The following WBP2NL variants were observed in gnomAD, a reference collection of about 807,000 sequenced individuals.
WBP2NL encodes the protein postacrosomal sheath WW domain-binding protein.
WBP2NL carries 27 observed loss-of-function variants against 23.3 expected under a neutral mutation model. The observed-to-expected ratio is 1.16, with a 90% CI of 0.85 to 1.60. WBP2NL has a LOEUF of 1.60. Among genes scored for constraint, WBP2NL ranks in the 40% most tolerant of loss-of-function variants. The probability of loss-of-function intolerance (pLI) is 0.00; values close to 1 mark genes in which losing one functional copy is unlikely to be tolerated. For synonymous variants in WBP2NL, 151 were observed against 145.9 expected (o/e 1.03, Z -0.25); for missense variants, 370 against 389.5 (o/e 0.95, Z 0.42).
In WBP2NL at chr22:42,019,189, C is replaced by T. The variant is rs1257817566; in HGVS notation, c.63-122C>T. 52 of 820,598 alleles carry T rather than the reference C, an allele frequency of 6.3e-5. 1 individual carries two copies. The East Asian group carries it at 1.3e-3, about 20-fold the overall frequency. The allele number at this position is 820,598 out of a possible 1,614,324, so 50.8% of individuals were successfully genotyped here. The stretch of plus-strand genomic sequence containing the variant: ...TGAGGTGAAATCGTGCCACTGCACT[C>T]CCGCCTGGGCAACAGAGTAAGACTC... On this transcript the variant is annotated intron_variant, in intron 1 of 5. Coordinates refer to ENST00000328823, the MANE Select transcript of WBP2NL (RefSeq NM_152613.3).
chr22:42,036,474 A>C (rs1318845718), downstream of WBP2NL, among the ~76,000 whole-genome samples: 1 of 152,114 alleles, frequency 6.6e-6, no homozygotes, highest in Non-Finnish European at 1.5e-5. Flanking sequence ...GTGCCCGGCC[A>C]TGTGTTCTAT....
rs1158837575 is a variant in WBP2NL at position 42,049,705 on chromosome 22, CAAAAAAAAAAA to C, written c.*274-8569_*274-8559del. On this transcript the variant is annotated intron_variant and NMD_transcript_variant, in intron 8 of 8. Transcript: ENST00000436265. ...ACTCCGTCTCCAAAACAAAACAAAA[CAAAAAAAAAAA>C]AAAAAAAAAAAAAAATAGAACATTT... Among the ~76,000 whole-genome samples the C allele has an allele frequency of 1.1e-3, 41 of 37,482 alleles. 1 individual carries two copies. Among genetic ancestry groups the C allele is most frequent in the Middle Eastern group, 0.05 (2 of 40 alleles). The allele number at this position is 37,482 out of a possible 152,430, so 24.6% of individuals were successfully genotyped here.
intron 8 of WBP2NL, among the ~76,000 whole-genome samples, chr22:42,053,372 T>TAA (rs768190458): frequency 1.3e-5 from 2 of 152,196 alleles, no homozygotes; most frequent in Non-Finnish European, 2.9e-5. Flanking sequence ...TAACTCTGTT[T>TAA]AACATTTTGA....
intron 1 of WBP2NL, among the ~76,000 whole-genome samples, chr22:42,016,358 G>A (rs1923308738): frequency 6.6e-6 from 1 of 152,072 alleles, no homozygotes; most frequent in South Asian, 2.1e-4. Context: ...TGCCCTTTGA[G>A]CCGGTCCTTC....
chr22:42,057,967 A>T (rs1173126661), intron 8 of WBP2NL, among the ~76,000 whole-genome samples: 1 of 110,474 alleles, frequency 9.1e-6, no homozygotes, highest in Non-Finnish European at 1.7e-5. Context: ...CCCAGGCTGG[A>T]GTATGGTGGT....
At chr22:42,036,814 A>G (rs1367895871), downstream of WBP2NL, among the ~76,000 whole-genome samples, 1 of 152,120 alleles carries the variant, frequency 6.6e-6, no homozygotes, top group Non-Finnish European at 1.5e-5. Flanking sequence ...AGTTCCTTAT[A>G]TATTTTGGAT....
chr22:42,009,352 G>T (rs752402056), intron 1 of WBP2NL, among the ~76,000 whole-genome samples: 1 of 151,998 alleles, frequency 6.6e-6, no homozygotes, highest in East Asian at 1.9e-4. Context: ...TTTTGTTGCC[G>T]GTGCTTTTGT....
At chr22:42,005,925 C>T (rs1569445846) in intron 1 of WBP2NL, among the ~76,000 whole-genome samples, 1 of 152,180 alleles carries the variant, frequency 6.6e-6, no homozygotes, top group Non-Finnish European at 1.5e-5. Flanking sequence ...CAAAAGTGAA[C>T]AGACAGGTCA....
intron 8 of WBP2NL, among the ~76,000 whole-genome samples, chr22:42,045,421 C>T (rs749562831): frequency 6.6e-6 from 1 of 152,100 alleles, no homozygotes; most frequent in Non-Finnish European, 1.5e-5. Flanking sequence ...CAGAGCGAGA[C>T]TGTCTCAAAA....
chr22:42,013,938 C>T (rs568460545), intron 1 of WBP2NL, among the ~76,000 whole-genome samples: 5 of 152,070 alleles, frequency 3.3e-5, no homozygotes, highest in Non-Finnish European at 5.9e-5. Context: ...GCACCACCCA[C>T]GCCTGGCTAT....
At chr22:42,051,683 G>T (rs1170872429) in intron 8 of WBP2NL, among the ~76,000 whole-genome samples, 1 of 152,106 alleles carries the variant, frequency 6.6e-6, no homozygotes, top group Non-Finnish European at 1.5e-5. Flanking sequence ...TGGGGTCAGG[G>T]GAGGGATGGG....
intron 4 of WBP2NL, among the ~76,000 whole-genome samples, chr22:42,020,591 A>G (rs1218640038): frequency 2.6e-5 from 4 of 152,048 alleles, no homozygotes; most frequent in Admixed American, 2.6e-4. Context: ...TATACCTGAT[A>G]GTCTTTTGTC....
chr22:41,999,063 C>A (rs1192269403), intron 1 of WBP2NL, among the ~76,000 whole-genome samples, 183 bp downstream of exon 1: 1 of 117,366 alleles, frequency 8.5e-6, no homozygotes. Context: ...GTGGAGGTGG[C>A]GGAGGCCGGA....
chr22:42,008,688 A>G (rs534546903), intron 1 of WBP2NL, among the ~76,000 whole-genome samples: 2 of 150,676 alleles, frequency 1.3e-5, no homozygotes, highest in East Asian at 4.0e-4. Context: ...GCTCACTGCA[A>G]CCTCTGCCTC....
chr22:42,048,608 T>C (rs1925691392), intron 8 of WBP2NL, among the ~76,000 whole-genome samples: 2 of 151,560 alleles, frequency 1.3e-5, no homozygotes, highest in East Asian at 1.9e-4. Context: ...TACAAAAAAT[T>C]AGCCGGGTGT....
downstream of WBP2NL, chr22:42,032,189 G>A (rs1924992633): frequency 6.6e-6 from 1 of 152,196 alleles, no homozygotes; most frequent in Admixed American, 6.5e-5. Context: ...TCATCAGACT[G>A]CTTCTGAAAC....
rs950365875 is a variant in WBP2NL, at chr22:42,013,278, C to T, written c.63-6033C>T. ...TCCCAGCTATATAATCCAAGCTACT[C>T]GGGAGGCTGAGGCAGGAGAATCACT... On this transcript the variant is annotated intron_variant, in intron 1 of 5. Coordinates refer to ENST00000328823, the MANE Select transcript of WBP2NL (RefSeq NM_152613.3). Among the ~76,000 whole-genome samples the T allele has an allele frequency of 1.6e-4, 24 of 151,096 alleles. No homozygotes were observed. The East Asian group carries it at 4.1e-3, about 26-fold the overall frequency.
intron 1 of WBP2NL, among the ~76,000 whole-genome samples, chr22:41,999,255 C>T (rs1431848260): frequency 6.6e-6 from 1 of 152,228 alleles, no homozygotes; most frequent in Admixed American, 6.5e-5. Flanking sequence ...GGCAGCGTGG[C>T]TGCCCTTGGG....
In WBP2NL at chr22:41,998,815, C is replaced by T; in HGVS notation, c.-4C>T. ...CTACGGGGCGGCAGGAGGCCCGAAG[C>T]AAGATGGCGGTGAATCAGAGCCACA... On this transcript the variant is annotated 5_prime_UTR_variant, in exon 1 of 6. Coordinates refer to ENST00000328823, the MANE Select transcript of WBP2NL (RefSeq NM_152613.3). The T allele has an allele frequency of 6.2e-7, 1 of 1,609,266 alleles. No homozygotes were observed. Among genetic ancestry groups the T allele is most frequent in the African/African-American group, 1.3e-5 (1 of 74,888 alleles).
Sources: gnomAD v4.1 joint callset for allele counts (sites outside exome capture counted in the v4.1 genomes callset) on GRCh38, gnomAD v4.1.1 for gene constraint, MANE v1.5 for transcripts, NCBI Gene and HGNC (gene_info 2026-07-23, HGNC 2026-07-21) for gene names.